The following DLG5 variants were observed in gnomAD, a reference collection of about 807,000 sequenced individuals.
DLG5 encodes the protein discs large MAGUK scaffold protein 5, also known as disks large homolog 5.
A neutral mutation model predicts 189.8 loss-of-function variants in DLG5; 48 were observed. The ratio of observed to expected loss-of-function variants is 0.25; its 90% CI spans 0.20 to 0.32. The LOEUF (loss-of-function observed/expected upper bound fraction) is 0.32, where lower values mean the gene tolerates loss of function less well. Among genes scored for constraint, DLG5 ranks in the 10% least tolerant of loss-of-function variants. DLG5 has a pLI of 1.00. For synonymous variants in DLG5, 1,016 were observed against 1,054.1 expected, an observed-to-expected ratio of 0.96 and a Z score of 0.70; for missense variants, 2,160 against 2,544.7, an observed-to-expected ratio of 0.85 and a Z score of 3.25.
At chr10:77,925,367 C>T (rs932105657) in intron 1 of DLG5, among the ~76,000 whole-genome samples, 1 of 152,194 alleles carries the variant, frequency 6.6e-6, no homozygotes, top group Non-Finnish European at 1.5e-5. Context: ...CTCCAGCTGC[C>T]TTGTCTAAAA....
chr10:77,859,171 C>T (rs1173502717), intron 2 of DLG5, among the ~76,000 whole-genome samples: 2 of 152,074 alleles, frequency 1.3e-5, no homozygotes, highest in African/African-American at 4.8e-5. Context: ...CCACCACACC[C>T]GGCCCAATGT....
Position 77,806,738 on chromosome 10 carries a change from C to CCCCCCCCCCCCCCCACAAA in DLG5, c.4967+19_4967+20insTTTGTGGGGGGGGGGGGGG. On this transcript the variant is annotated intron_variant, in intron 26 of 31. Transcript: ENST00000372391. Reference sequence around the variant, plus strand: ...CGGCGACCCCTGCCCCACCCCACCCCAGGCCCGGAGAACACTTACACATAT... The same window carrying CCCCCCCCCCCCCCCACAAA: ...CGGCGACCCCTGCCCCACCCCACCCCCCCCCCCCCCCCCCACAAAAGGCCCGGAGAACACTTACACATAT... The CCCCCCCCCCCCCCCACAAA allele has an allele frequency of 6.4e-7, 1 of 1,574,712 alleles. No homozygotes were observed. Among genetic ancestry groups the CCCCCCCCCCCCCCCACAAA allele is most frequent in the Non-Finnish European group, 8.7e-7 (1 of 1,147,900 alleles).
chr10:77,867,617 T>C (rs1027027436), intron 2 of DLG5, among the ~76,000 whole-genome samples: 1 of 152,246 alleles, frequency 6.6e-6, no homozygotes, highest in African/African-American at 2.4e-5. Flanking sequence ...GGGCCTGCCC[T>C]GAGCCCTAAA....
chr10:77,816,857 C>T (rs1211107467), intron 19 of DLG5, 150 bp downstream of exon 19: 1 of 1,332,440 alleles, frequency 7.5e-7, no homozygotes, highest in East Asian at 2.4e-5. Flanking sequence ...CCCCCTACCC[C>T]CCACACCACC....
intron 1 of DLG5, among the ~76,000 whole-genome samples, chr10:77,872,153 C>T (rs1011882507): frequency 6.6e-6 from 1 of 152,220 alleles, no homozygotes; most frequent in Non-Finnish European, 1.5e-5. Flanking sequence ...CTCAACCCAT[C>T]CCAGCTTACG....
intron 17 of DLG5, among the ~76,000 whole-genome samples, 177 bp from the exon 18 acceptor site, chr10:77,818,066 C>CTT (rs1001606601): frequency 5.3e-5 from 8 of 152,146 alleles, no homozygotes; most frequent in Admixed American, 6.6e-5. Flanking sequence ...AGGTGGCATC[C>CTT]ACTAAGAGCC....
At chr10:77,935,146 G>C in the DLG5 span, among the ~76,000 whole-genome samples, 1 of 151,932 alleles carries the variant, frequency 6.6e-6, no homozygotes, top group Non-Finnish European at 1.5e-5. Flanking sequence ...AGGAGCCACC[G>C]TGCCCAGCCT....
chr10:77,852,009 A>G (rs1248690), intron 5 of DLG5, among the ~76,000 whole-genome samples: 38,657 of 152,068 alleles, frequency 0.25, 5,489 homozygotes, highest in Admixed American at 0.39. Flanking sequence ...AGATGGGAAC[A>G]GGATGGGGGA....
chr10:77,893,636 T>C (rs1248888), intron 1 of DLG5, among the ~76,000 whole-genome samples: 49,874 of 152,146 alleles, frequency 0.33, 8,652 homozygotes, highest in Admixed American at 0.41. Context: ...CTGAATGCCA[T>C]AGGGAAGCAT....
intron 1 of DLG5, among the ~76,000 whole-genome samples, chr10:77,899,142 T>C (rs910639812): frequency 2.0e-5 from 3 of 152,192 alleles, no homozygotes; most frequent in African/African-American, 4.8e-5. Context: ...GCATGTAACC[T>C]ATCTCCCTAG....
chr10:77,910,828 T>C (rs971862448), intron 1 of DLG5, among the ~76,000 whole-genome samples: 14 of 151,930 alleles, frequency 9.2e-5, no homozygotes, highest in African/African-American at 2.9e-4. Context: ...AAAAATTACC[T>C]GGGTGTGATG....
chr10:77,798,052 T>C (rs891408903), intron 27 of DLG5, among the ~76,000 whole-genome samples: 4 of 152,118 alleles, frequency 2.6e-5, no homozygotes, highest in Admixed American at 1.3e-4. Flanking sequence ...CCGGGTGTGC[T>C]GGCGCACACC....
intron 1 of DLG5, among the ~76,000 whole-genome samples, chr10:77,917,583 A>G (rs1846401043): frequency 6.6e-6 from 1 of 152,164 alleles, no homozygotes; most frequent in Non-Finnish European, 1.5e-5. Context: ...AGAAAGAAAA[A>G]AAGAGACAGA....
chr10:77,891,754 T>A (rs1845615877), intron 1 of DLG5, among the ~76,000 whole-genome samples: 1 of 152,142 alleles, frequency 6.6e-6, no homozygotes, highest in African/African-American at 2.4e-5. Flanking sequence ...GCACTTCATC[T>A]CAAACACTTT....
At chr10:77,879,067 TAAAC>T (rs1416057463) in intron 1 of DLG5, among the ~76,000 whole-genome samples, 2 of 152,116 alleles carry the variant, frequency 1.3e-5, no homozygotes, top group East Asian at 3.9e-4. Flanking sequence ...GGGGGAGAAA[TAAAC>T]AAACATAAAC....
At chr10:77,808,685 C>A (rs1344965) in intron 24 of DLG5, among the ~76,000 whole-genome samples, 4 of 152,174 alleles carry the variant, frequency 2.6e-5, no homozygotes, top group African/African-American at 9.7e-5. Flanking sequence ...GGCGAGCACC[C>A]CCTGATGCCC....
At chr10:77,832,085 G>A (rs1842917585) in intron 9 of DLG5, among the ~76,000 whole-genome samples, 1 of 152,092 alleles carries the variant, frequency 6.6e-6, no homozygotes, top group South Asian at 2.1e-4. Flanking sequence ...ACATGCACCT[G>A]TAATCCCAGC....
At chr10:77,932,656 A>C in the DLG5 span, among the ~76,000 whole-genome samples, 1 of 152,200 alleles carries the variant, frequency 6.6e-6, no homozygotes, top group Admixed American at 6.5e-5. Context: ...GAGAAGCATC[A>C]GAAGCAAAAT....
intron 8 of DLG5, among the ~76,000 whole-genome samples, chr10:77,835,250 C>A (rs1411156408): frequency 1.3e-5 from 2 of 152,082 alleles, no homozygotes; most frequent in East Asian, 1.9e-4. Context: ...TCTGGGGAGA[C>A]CTCCCCACAC....
Sources: allele counts gnomAD v4.1 joint callset (sites outside exome capture counted in the v4.1 genomes callset), GRCh38; gene constraint gnomAD v4.1.1; transcripts MANE v1.5; gene names NCBI Gene and HGNC (gene_info 2026-07-23, HGNC 2026-07-21).